The following FBN2 variants were observed in gnomAD, a reference collection of about 807,000 sequenced individuals.
FBN2 encodes the protein fibrillin-2.
FBN2 carries 105 observed loss-of-function variants against 355.6 expected under a neutral mutation model. The observed-to-expected ratio is 0.30, with a 90% CI of 0.25 to 0.35. FBN2 has a LOEUF of 0.35. FBN2 is among the 10% of genes least tolerant of loss of function. FBN2 has a pLI of 1.00. For synonymous variants in FBN2, 1,350 were observed against 1,301.2 expected, an observed-to-expected ratio of 1.04 and a Z score of -0.81; for missense variants, 3,280 against 3,758.7, an observed-to-expected ratio of 0.87 and a Z score of 3.33.
At chr5:128,294,286 C>A (rs1056556402) in intron 48 of FBN2, among the ~76,000 whole-genome samples, 1,773 of 151,760 alleles carry the variant, frequency 0.012, 41 homozygotes, top group African/African-American at 0.041. Flanking sequence ...TGAATAATGC[C>A]GCAATAAACA....
intron 5 of FBN2, among the ~76,000 whole-genome samples, chr5:128,481,067 A>G (rs1343992193): frequency 2.6e-5 from 4 of 152,176 alleles, no homozygotes; most frequent in Non-Finnish European, 4.4e-5. Context: ...CTATTTCCCA[A>G]AGATCTGTTT....
chr5:128,308,319 G>A (rs80221284), intron 41 of FBN2, among the ~76,000 whole-genome samples: 327 of 152,140 alleles, frequency 2.1e-3, no homozygotes, highest in African/African-American at 7.5e-3. Context: ...TTGTAGGAAT[G>A]TTTCTATTTA....
At chr5:128,323,594 T>C (rs1750452432) in intron 34 of FBN2, among the ~76,000 whole-genome samples, 1 of 152,238 alleles carries the variant, frequency 6.6e-6, no homozygotes, top group African/African-American at 2.4e-5. Flanking sequence ...GGATTACATT[T>C]ACTGATTTGC....
In FBN2 at chr5:128,537,720, T is replaced by C; in HGVS notation, c.-117A>G. Reference sequence around the variant, plus strand: ...TAAGCCCTTCGTCGGCTCCGGGGACTCCCTCGGGCTCGGGCTCCCTGCTCT... The same window carrying C: ...TAAGCCCTTCGTCGGCTCCGGGGACCCCCTCGGGCTCGGGCTCCCTGCTCT... On this transcript the variant is annotated 5_prime_UTR_variant, in exon 1 of 65. Coordinates refer to ENST00000262464, the MANE Select transcript of FBN2 (RefSeq NM_001999.4). 1 of 1,022,408 alleles carries C rather than the reference T, an allele frequency of 9.8e-7. No individual in the cohort carries two copies. Among genetic ancestry groups the C allele is most frequent in the South Asian group, 1.4e-5 (1 of 71,998 alleles). The allele number at this position is 1,022,408 out of a possible 1,614,324, so 63.3% of individuals were successfully genotyped here. A position where few individuals can be genotyped will look rare whatever the true frequency, so the allele number is the denominator to read the frequency against.
At chr5:128,367,979 C>A (rs1751818872) in intron 16 of FBN2, among the ~76,000 whole-genome samples, 1 of 151,926 alleles carries the variant, frequency 6.6e-6, no homozygotes, top group African/African-American at 2.4e-5. Flanking sequence ...CAAGACATTT[C>A]CTTTACAGGA....
At position 128,368,406 on chromosome 5, in the gene FBN2, A is replaced by ATG. The variant is rs567559304; in HGVS notation, c.2248+774_2248+775dup. On this transcript the variant is annotated intron_variant, in intron 16 of 64. Coordinates refer to ENST00000262464, the MANE Select transcript of FBN2 (RefSeq NM_001999.4). The stretch of plus-strand genomic sequence containing the variant: ...TATATAGAGAGAGATCTTCATATAT[A>ATG]TGTGTGTGTGTGTGTATATATATAT... Among the ~76,000 whole-genome samples the ATG allele has an allele frequency of 3.0e-3, 414 of 138,794 alleles. No individual in the cohort carries two copies. The East Asian group carries it at 0.032, about 11-fold the overall frequency. The allele number at this position is 138,794 out of a possible 152,430, so 91.1% of individuals were successfully genotyped here.
chr5:128,370,214 T>TA (rs1381911042), intron 15 of FBN2, among the ~76,000 whole-genome samples: 1 of 152,190 alleles, frequency 6.6e-6, no homozygotes, highest in Non-Finnish European at 1.5e-5. Context: ...TGGTGAACTA[T>TA]AAAAAACTCA....
intron 53 of FBN2, 45 bp from the exon 54 acceptor site, chr5:128,287,475 ATTATTT>A: frequency 6.2e-7 from 1 of 1,610,062 alleles, no homozygotes; most frequent in South Asian, 1.1e-5. Context: ...TAGAGTTCTA[ATTATTT>A]GTGTAACTAA....
At chr5:128,475,097 C>A (rs1405405362) in intron 5 of FBN2, among the ~76,000 whole-genome samples, 1 of 152,122 alleles carries the variant, frequency 6.6e-6, no homozygotes, top group Non-Finnish European at 1.5e-5. Flanking sequence ...GGAGGTGAAC[C>A]ATTCCTGGCT....
At chr5:128,326,891 G>A (rs1364476754) in intron 34 of FBN2, among the ~76,000 whole-genome samples, 1 of 152,116 alleles carries the variant, frequency 6.6e-6, no homozygotes, top group Non-Finnish European at 1.5e-5. Context: ...GCACCATCTT[G>A]GGGGAGAGGG....
chr5:128,394,305 C>T (rs1455484619), intron 9 of FBN2, among the ~76,000 whole-genome samples: 4 of 152,038 alleles, frequency 2.6e-5, no homozygotes, highest in Non-Finnish European at 4.4e-5. Context: ...TCATATTACA[C>T]GTAACAAGAG....
intron 34 of FBN2, among the ~76,000 whole-genome samples, chr5:128,321,842 G>A (rs1173829547): frequency 6.6e-6 from 1 of 152,118 alleles, no homozygotes; most frequent in Non-Finnish European, 1.5e-5. Context: ...GGTATTTCTG[G>A]TTCTGGATCC....
At chr5:128,459,892 GA>G (rs1754509232) in intron 6 of FBN2, among the ~76,000 whole-genome samples, 1 of 152,128 alleles carries the variant, frequency 6.6e-6, no homozygotes, top group Non-Finnish European at 1.5e-5. Context: ...CATTCCCTTT[GA>G]AAACCGGCAC....
At chr5:128,507,156 T>C (rs970684165) in intron 5 of FBN2, among the ~76,000 whole-genome samples, 3 of 152,228 alleles carry the variant, frequency 2.0e-5, no homozygotes, top group African/African-American at 2.4e-5. Flanking sequence ...GTATTTTTGC[T>C]TTCTTAAATG....
At chr5:128,353,379 G>A (rs1479435273) in intron 20 of FBN2, among the ~76,000 whole-genome samples, 1 of 152,154 alleles carries the variant, frequency 6.6e-6, no homozygotes, top group African/African-American at 2.4e-5. Context: ...TGAATAAAAA[G>A]TTACAGGGCA....
At position 128,330,581 on chromosome 5, in the gene FBN2, G is replaced by T; in HGVS notation, c.4337C>A (p.Thr1446Asn). 6.2e-7 allele frequency: 1 copy of T among 1,614,080 alleles called. No homozygotes were observed. The highest frequency in any genetic ancestry group is 8.5e-7 in the Non-Finnish European group (1 of 1,179,976). The part of the protein sequence containing the change: ...CSEGFTGDGF[T>N]CSDVDECAEN... ...TCAGGACTGTCACCCACCTGAGCAG[G>T]TAAAGCCATCACCAGTGAAACCTTC... Residue 1446 changes from threonine (T) to asparagine (N), a missense_variant, in exon 33 of 65, where the codon ACC (threonine) becomes AAC (asparagine). Thr to Asn is a moderately conservative substitution (Grantham distance 65). Around this residue, in one of 6 missense-constraint regions of FBN2, gnomAD observed 2,284 missense variants for 2,749.5 expected, o/e 0.83. Transcript: ENST00000262464.
intron 45 of FBN2, 42 bp from the exon 46 acceptor site, chr5:128,303,131 G>A (rs1211948404): frequency 1.1e-5 from 13 of 1,152,962 alleles, no homozygotes; most frequent in Non-Finnish European, 1.7e-5. Flanking sequence ...TTTTTAACTA[G>A]AAAAAAATGG....
In FBN2 at chr5:128,290,782, G is replaced by A; in HGVS notation, c.6395C>T (p.Pro2132Leu). The change falls in exon 50 of 65, where the codon CCA (proline) becomes CTA (leucine). Residue 2132 changes from proline (P) to leucine (L), a missense_variant. By Grantham distance (98) the Pro-to-Leu change is moderately conservative. Transcript: ENST00000262464. ...TKAKCCCSKM[P>L]GEGWGDPCEL... is the part of the protein sequence containing the mutation. ...ACAGGGGTCCCCCCAGCCCTCTCCT[G>A]GCATCTTACTACAGCAGCATTTTGC... 2 of 1,614,090 alleles carry A rather than the reference G, an allele frequency of 1.2e-6. No individual in the cohort carries two copies. The highest frequency in any genetic ancestry group is 1.7e-6 in the Non-Finnish European group (2 of 1,179,972).
At chr5:128,437,913 T>C (rs1250885078) in intron 7 of FBN2, among the ~76,000 whole-genome samples, 1 of 152,172 alleles carries the variant, frequency 6.6e-6, no homozygotes, top group East Asian at 1.9e-4. Flanking sequence ...GTTTTTCTGT[T>C]TTGAAAGTCT....
Sources: gnomAD v4.1 joint callset for allele counts (sites outside exome capture counted in the v4.1 genomes callset) on GRCh38, gnomAD v4.1.1 for gene constraint, gnomAD v4.1.1 regional missense constraint, MANE v1.5 for transcripts, NCBI Gene and HGNC (gene_info 2026-07-23, HGNC 2026-07-21) for gene names.